The following PLPPR1 variants were observed in gnomAD, a reference collection of about 807,000 sequenced individuals.
PLPPR1 encodes the protein phospholipid phosphatase related 1, also known as phospholipid phosphatase-related protein type 1.
PLPPR1 carries 10 observed loss-of-function variants against 33.1 expected under a neutral mutation model. That is an observed-to-expected ratio of 0.30 (90% CI 0.19 to 0.51). The LOEUF (loss-of-function observed/expected upper bound fraction) is 0.51, where lower values mean the gene tolerates loss of function less well. PLPPR1 is among the 20% of genes least tolerant of loss of function. The pLI is 0.97. For synonymous variants in PLPPR1, 151 were observed against 151.0 expected (o/e 1.00, Z 0.00); for missense variants, 304 against 408.1 (o/e 0.74, Z 2.20).
chr9:101,178,815 G>T (rs1255614357), intron 1 of PLPPR1, among the ~76,000 whole-genome samples: 1 of 152,108 alleles, frequency 6.6e-6, no homozygotes, highest in Non-Finnish European at 1.5e-5. Context: ...ATGAGTCCAG[G>T]AATCAAGGAA....
intron 6 of PLPPR1, among the ~76,000 whole-genome samples, chr9:101,314,239 T>A (rs905075504): frequency 6.6e-6 from 1 of 152,240 alleles, no homozygotes; most frequent in Non-Finnish European, 1.5e-5. Flanking sequence ...CCATTTGGAT[T>A]GGCATCACAC....
At chr9:101,091,018 A>C (rs1341557626) in intron 1 of PLPPR1, among the ~76,000 whole-genome samples, 2 of 150,770 alleles carry the variant, frequency 1.3e-5, no homozygotes, top group Non-Finnish European at 2.9e-5. Flanking sequence ...TTGGTAGCCT[A>C]AATTACCACA....
At chr9:101,051,769 C>T (rs535292) in intron 1 of PLPPR1, among the ~76,000 whole-genome samples, 100,408 of 152,092 alleles carry the variant, frequency 0.66, 33,660 homozygotes, top group East Asian at 0.88. Context: ...GACATTTATT[C>T]TTTAATTTAG....
intron 2 of PLPPR1, among the ~76,000 whole-genome samples, chr9:101,250,699 G>A (rs1827699651): frequency 6.6e-6 from 1 of 151,960 alleles, no homozygotes; most frequent in Non-Finnish European, 1.5e-5. Context: ...ATACATAGTT[G>A]TTAAAAAACG....
At chr9:101,143,211 C>T (rs1321369459) in intron 1 of PLPPR1, among the ~76,000 whole-genome samples, 1 of 152,142 alleles carries the variant, frequency 6.6e-6, no homozygotes, top group Non-Finnish European at 1.5e-5. Context: ...TTCTAATGCC[C>T]TCTATTTATA....
At chr9:101,126,403 C>A (rs1286921606) in intron 1 of PLPPR1, among the ~76,000 whole-genome samples, 1 of 152,118 alleles carries the variant, frequency 6.6e-6, no homozygotes, top group African/African-American at 2.4e-5. Flanking sequence ...CCCATAGGGA[C>A]CTTTTTTGGT....
intron 2 of PLPPR1, among the ~76,000 whole-genome samples, chr9:101,261,571 A>G (rs1036174347): frequency 7.9e-5 from 12 of 152,162 alleles, no homozygotes; most frequent in African/African-American, 2.7e-4. Flanking sequence ...TAATTAAAAG[A>G]TATAGGTCTG....
intron 2 of PLPPR1, among the ~76,000 whole-genome samples, chr9:101,189,789 T>G (rs1224688568): frequency 6.6e-6 from 1 of 152,124 alleles, no homozygotes; most frequent in Non-Finnish European, 1.5e-5. Flanking sequence ...GTTTTTAAAA[T>G]TATTTTTATA....
intron 2 of PLPPR1, among the ~76,000 whole-genome samples, chr9:101,242,540 G>A (rs911680874): frequency 4.6e-5 from 7 of 151,992 alleles, no homozygotes; most frequent in Non-Finnish European, 8.8e-5. Context: ...TTGACATGAT[G>A]TTGGTGCCTG....
intron 1 of PLPPR1, among the ~76,000 whole-genome samples, chr9:101,177,696 T>C (rs1826038671): frequency 6.6e-6 from 1 of 152,220 alleles, no homozygotes; most frequent in Non-Finnish European, 1.5e-5. Flanking sequence ...TTTTATAACC[T>C]ATTAATGAGG....
chr9:101,176,049 A>G (rs73499865), intron 1 of PLPPR1, among the ~76,000 whole-genome samples: 2,658 of 152,306 alleles, frequency 0.017, 80 homozygotes, highest in African/African-American at 0.061. Context: ...GATATTGGAG[A>G]AGCTGGCAAC....
intron 6 of PLPPR1, among the ~76,000 whole-genome samples, chr9:101,313,912 A>G (rs770865513): frequency 6.6e-6 from 1 of 152,154 alleles, no homozygotes; most frequent in Admixed American, 6.5e-5. Flanking sequence ...TTGAATCATA[A>G]TGTATTTTTT....
chr9:101,064,481 G>A (rs1461467172), intron 1 of PLPPR1, among the ~76,000 whole-genome samples: 3 of 152,074 alleles, frequency 2.0e-5, no homozygotes, highest in Admixed American at 2.0e-4. Context: ...AAACACAGAA[G>A]CTGCAGGTTT....
chr9:101,136,276 C>T (rs958603611), intron 1 of PLPPR1, among the ~76,000 whole-genome samples: 1 of 152,172 alleles, frequency 6.6e-6, no homozygotes, highest in African/African-American at 2.4e-5. Context: ...CTCCAGAGTG[C>T]CTGGAAGAAA....
chr9:101,262,151 A>G (rs931202973), intron 2 of PLPPR1, among the ~76,000 whole-genome samples: 11 of 152,170 alleles, frequency 7.2e-5, no homozygotes, highest in African/African-American at 2.7e-4. Flanking sequence ...CTAGGAAACT[A>G]TTTTTGTTGA....
chr9:101,095,357 CT>C (rs1830804293), intron 1 of PLPPR1, among the ~76,000 whole-genome samples: 1 of 152,120 alleles, frequency 6.6e-6, no homozygotes, highest in South Asian at 2.1e-4. Context: ...GACTGCTGGA[CT>C]TTTGAGCATT....
chr9:101,060,810 A>G lies in PLPPR1; in HGVS notation c.-46+31708A>G, dbSNP rs544814364. Among the ~76,000 whole-genome samples the G allele has an allele frequency of 5.9e-5, 9 of 152,016 alleles. No homozygotes were observed. The East Asian group carries it at 1.7e-3, about 29-fold the overall frequency. ...TTCCAGTGATGATGCCATTTATTAA[A>G]ACACTTTCAAAATTTCCCTTTGTGA... On this transcript the variant is annotated intron_variant, in intron 1 of 7. Coordinates refer to ENST00000374874, the MANE Select transcript of PLPPR1 (RefSeq NM_207299.2).
intron 7 of PLPPR1, among the ~76,000 whole-genome samples, chr9:101,320,251 G>C (rs1244842174): frequency 6.6e-6 from 1 of 152,140 alleles, no homozygotes; most frequent in South Asian, 2.1e-4. Flanking sequence ...CGAATACCAG[G>C]CTTGGGCCAA....
At chr9:101,175,828 G>A (rs1224684684) in intron 1 of PLPPR1, among the ~76,000 whole-genome samples, 3 of 152,144 alleles carry the variant, frequency 2.0e-5, no homozygotes, top group Non-Finnish European at 4.4e-5. Context: ...TTCAAAAAGA[G>A]TTGTGATGAC....
Sources: gnomAD v4.1 joint callset for allele counts (sites outside exome capture counted in the v4.1 genomes callset) on GRCh38, gnomAD v4.1.1 for gene constraint, MANE v1.5 for transcripts, NCBI Gene and HGNC (gene_info 2026-07-23, HGNC 2026-07-21) for gene names.